Variants in ITPRIP observed in about 807,000 individuals in gnomAD.
ITPRIP encodes the protein inositol 1,4,5-trisphosphate receptor-interacting protein.
ITPRIP carries 32 observed loss-of-function variants against 35.8 expected under a neutral mutation model. That is an observed-to-expected ratio of 0.89 (90% CI 0.68 to 1.20). ITPRIP has a LOEUF of 1.20. Ranked by LOEUF, ITPRIP falls within the 50% of genes most tolerant of loss-of-function variation. ITPRIP has a pLI of 0.00. For missense variants in ITPRIP, 653 were observed against 735.6 expected, an observed-to-expected ratio of 0.89 and a Z score of 1.30; for synonymous variants, 358 against 324.0, an observed-to-expected ratio of 1.11 and a Z score of -1.13.
Position 104,316,015 on chromosome 10 carries a change from C to G in ITPRIP, c.37G>C (p.Val13Leu). 6.2e-7 allele frequency: 1 copy of G among 1,605,660 alleles called. No homozygotes were observed. Residue 13 changes from valine (V) to leucine (L), a missense_variant, in exon 2 of 2, where the codon GTG (valine) becomes CTG (leucine). By Grantham distance (32) the Val-to-Leu change is conservative. Coordinates refer to ENST00000337478, the MANE Select transcript of ITPRIP (RefSeq NM_001272013.2). ...MGLFRVCLVV[V>L]TAIINHPLLF... ...AGCGGGTGGTTGATGATGGCCGTCA[C>G]CACCACCAGACACACGCGGAAGAGC... is the stretch of plus-strand genomic sequence containing the variant.
At chr10:104,324,480 G>A (rs546416850) in intron 1 of ITPRIP, among the ~76,000 whole-genome samples, 8 of 152,168 alleles carry the variant, frequency 5.3e-5, no homozygotes, top group Admixed American at 5.2e-4. Context: ...GTGCGTTTGC[G>A]GCTCTGGGCT....
intron 1 of ITPRIP, among the ~76,000 whole-genome samples, chr10:104,320,258 C>G (rs1389624211): frequency 6.6e-6 from 1 of 151,058 alleles, no homozygotes; most frequent in Non-Finnish European, 1.5e-5. Context: ...TTAGGTTTGA[C>G]AGACACTTAC....
chr10:104,318,135 C>T (rs1005867730), intron 1 of ITPRIP, among the ~76,000 whole-genome samples: 3 of 152,154 alleles, frequency 2.0e-5, no homozygotes, highest in Non-Finnish European at 4.4e-5. Context: ...CAGGGGGCAG[C>T]GAGCCAGCTT....
intron 1 of ITPRIP, among the ~76,000 whole-genome samples, chr10:104,325,767 G>A (rs2013987942): frequency 6.6e-6 from 1 of 152,188 alleles, no homozygotes; most frequent in Admixed American, 6.5e-5. Context: ...TAAGCAAAAA[G>A]GCCTAATGGT....
intron 1 of ITPRIP, among the ~76,000 whole-genome samples, chr10:104,316,978 A>G (rs1401315021): frequency 6.6e-6 from 1 of 152,210 alleles, no homozygotes; most frequent in Non-Finnish European, 1.5e-5. Context: ...GGGTCATGGT[A>G]TTGAGAGACG....
In ITPRIP at chr10:104,313,825, T is replaced by A; in HGVS notation, c.*583A>T. 1.0e-6 allele frequency: 1 copy of A among 985,664 alleles called. No individual in the cohort carries two copies. Among genetic ancestry groups the A allele is most frequent in the Non-Finnish European group, 1.2e-6 (1 of 830,110 alleles). The allele number at this position is 985,664 out of a possible 1,614,324, so 61.1% of individuals were successfully genotyped here. ...GTTAGTCATTTGGGCCTCGAATTTA[T>A]ACAAGGTCTTTTCTCCAAATAGTAT... On this transcript the variant is annotated 3_prime_UTR_variant, in exon 2 of 2. Transcript: ENST00000337478.
At chr10:104,318,974 G>A (rs1023177914) in intron 1 of ITPRIP, among the ~76,000 whole-genome samples, 7 of 152,238 alleles carry the variant, frequency 4.6e-5, no homozygotes, top group East Asian at 1.9e-4. Context: ...CGCCGCAGAC[G>A]CCCCTACAAG....
intron 1 of ITPRIP, among the ~76,000 whole-genome samples, chr10:104,335,303 G>C (rs1393025666): frequency 6.6e-6 from 1 of 152,226 alleles, no homozygotes; most frequent in Non-Finnish European, 1.5e-5. Context: ...GGACGAACTT[G>C]AGAAGGGCAT....
chr10:104,329,773 T>G (rs1254022390), intron 1 of ITPRIP, among the ~76,000 whole-genome samples: 1 of 152,256 alleles, frequency 6.6e-6, no homozygotes, highest in Non-Finnish European at 1.5e-5. Flanking sequence ...ATGGCAATAG[T>G]GTCCAATTTA....
In ITPRIP at chr10:104,325,815, G is replaced by A. The variant is rs547767414; in HGVS notation, c.-13-9751C>T. Among the ~76,000 whole-genome samples the A allele has an allele frequency of 9.2e-5, 14 of 152,336 alleles. No homozygotes were observed. In the South Asian group the frequency reaches 2.9e-3, roughly 32 times the overall value. On this transcript the variant is annotated intron_variant, in intron 1 of 1. Transcript: ENST00000337478. ...AGCGCTTGGTATTAGAGTAAGGCCTGTGGGCCCCAGGAGCCCCAACTGTCC... is the reference window on the plus strand; with the variant it reads ...AGCGCTTGGTATTAGAGTAAGGCCTATGGGCCCCAGGAGCCCCAACTGTCC...
At chr10:104,319,566 G>A (rs2013792373) in intron 1 of ITPRIP, among the ~76,000 whole-genome samples, 1 of 152,054 alleles carries the variant, frequency 6.6e-6, no homozygotes, top group South Asian at 2.1e-4. Context: ...CGCTTCCCCG[G>A]ATCGGATCCC....
At chr10:104,319,434 C>T (rs276199) in intron 1 of ITPRIP, among the ~76,000 whole-genome samples, 8,031 of 152,264 alleles carry the variant, frequency 0.053, 692 homozygotes, top group African/African-American at 0.18. Flanking sequence ...GCTATTTCTC[C>T]TCCTTGGCAC....
intron 1 of ITPRIP, among the ~76,000 whole-genome samples, chr10:104,334,204 A>G (rs1197435068): frequency 6.6e-6 from 1 of 152,224 alleles, no homozygotes; most frequent in Non-Finnish European, 1.5e-5. Context: ...CAGAGACCAG[A>G]AAGAGCCCTT....
Position 104,315,779 on chromosome 10 carries a change from G to T in ITPRIP, c.273C>A (p.Thr91=), listed in dbSNP as rs1327713665. 4 of 1,613,842 alleles carry T rather than the reference G, an allele frequency of 2.5e-6. No homozygotes were observed. Among genetic ancestry groups the T allele is most frequent in the Non-Finnish European group, 3.4e-6 (4 of 1,180,010 alleles). The change falls in exon 2 of 2, where the codon ACC becomes ACA. Residue 91 remains threonine, a synonymous_variant. Coordinates refer to ENST00000337478, the MANE Select transcript of ITPRIP (RefSeq NM_001272013.2). This position sits in a 1 kb window ranked among gnomAD's most constrained non-coding sequence, Gnocchi z 5.7. Reference sequence around the variant, plus strand: ...TCATCAGGAAGAGGATCATGCAGAGGGTGCTCCAGAGGTCCCAGGCCACGC... The same window carrying T: ...TCATCAGGAAGAGGATCATGCAGAGTGTGCTCCAGAGGTCCCAGGCCACGC... ...ETRVAWDLWS[T]LCMILFLMIE... is the part of the protein sequence containing the mutation.
chr10:104,319,041 A>T (rs2013770289), intron 1 of ITPRIP, among the ~76,000 whole-genome samples: 1 of 152,212 alleles, frequency 6.6e-6, no homozygotes, highest in African/African-American at 2.4e-5. Context: ...AGGATTACAG[A>T]CAAGACTCAA....
At chr10:104,319,991 A>G (rs2135187726) in intron 1 of ITPRIP, among the ~76,000 whole-genome samples, 1 of 152,314 alleles carries the variant, frequency 6.6e-6, no homozygotes, top group East Asian at 1.9e-4. Context: ...ATAGCATCAT[A>G]TGAGATAGCA....
chr10:104,313,115 G>A lies in ITPRIP; in HGVS notation c.*1293C>T, dbSNP rs1179875017. ...GGGTTCTGTGCAGTGAGGGAGCCCC[G>A]CTGGAGTGAGGAACTAGGGGCTCAG... is the stretch of plus-strand genomic sequence containing the variant. On this transcript the variant is annotated 3_prime_UTR_variant, in exon 2 of 2. Coordinates refer to ENST00000337478, the MANE Select transcript of ITPRIP (RefSeq NM_001272013.2). 6.1e-6 allele frequency: 6 copies of A among 985,356 alleles called. No homozygotes were observed. Among genetic ancestry groups the A allele is most frequent in the Non-Finnish European group, 4.8e-6 (4 of 830,030 alleles). 61.0% of individuals were successfully genotyped at this position (985,356 alleles called of 1,614,324 possible).
Position 104,315,711 on chromosome 10 carries a change from T to C in ITPRIP, c.341A>G (p.Glu114Gly), listed in dbSNP as rs1215617714. ...CTCATCCTCCTCACCGCCCAGGCAC[T>C]CAGGTGAGGGCCCCTCCTGGTGGTC... ...RQDHQEGPSPECLGGEEDELP... is the reference protein window; with the variant it reads ...RQDHQEGPSPGCLGGEEDELP... The change falls in exon 2 of 2, where the codon GAG (glutamate) becomes GGG (glycine). Residue 114 changes from glutamate (E) to glycine (G), a missense_variant. Glu to Gly is a moderately conservative substitution (Grantham distance 98). Coordinates refer to ENST00000337478, the MANE Select transcript of ITPRIP (RefSeq NM_001272013.2). This position sits in a 1 kb window ranked among gnomAD's most constrained non-coding sequence, Gnocchi z 5.7. The C allele has an allele frequency of 6.2e-7, 1 of 1,613,404 alleles. No homozygotes were observed. The highest frequency in any genetic ancestry group is 1.7e-5 in the Admixed American group (1 of 60,006).
Position 104,328,567 on chromosome 10 carries a change from C to G in ITPRIP, c.-14+9679G>C, listed in dbSNP as rs1432115468. 6.6e-6 allele frequency among the ~76,000 whole-genome samples: 1 copy of G among 152,176 alleles called. No homozygotes were observed. Among genetic ancestry groups the G allele is most frequent in the African/African-American group, 2.4e-5 (1 of 41,444 alleles). ...CAATGGAAAGGGGAAGGGACTGGAA[C>G]AGAACCGGGAGTAAACACAAAGGAA... On this transcript the variant is annotated intron_variant, in intron 1 of 1. Coordinates refer to ENST00000337478, the MANE Select transcript of ITPRIP (RefSeq NM_001272013.2). This position sits in a 1 kb window ranked among gnomAD's most constrained non-coding sequence, Gnocchi z 4.1.
Sources: gnomAD v4.1 joint callset for allele counts (sites outside exome capture counted in the v4.1 genomes callset) on GRCh38, gnomAD v4.1.1 for gene constraint, Gnocchi (gnomAD v3.1) non-coding constraint, MANE v1.5 for transcripts, NCBI Gene and HGNC (gene_info 2026-07-23, HGNC 2026-07-21) for gene names.